OPCML: variants seen among roughly 807,000 people sequenced by gnomAD.
OPCML encodes opioid binding protein/cell adhesion molecule like, also known as opioid-binding protein/cell adhesion molecule.
In OPCML, 13 loss-of-function variants were observed where a neutral mutation model predicts 37.8. That is an observed-to-expected ratio of 0.34 (90% CI 0.22 to 0.55). The LOEUF (loss-of-function observed/expected upper bound fraction) is 0.55, where lower values mean the gene tolerates loss of function less well. OPCML is among the 20% of genes least tolerant of loss of function. The pLI is 0.91. For synonymous variants in OPCML, 176 were observed against 168.8 expected (o/e 1.04, Z -0.33); for missense variants, 341 against 435.6 (o/e 0.78, Z 1.93).
chr11:132,573,800 A>C (rs1333475791), intron 3 of OPCML, among the ~76,000 whole-genome samples: 2 of 151,976 alleles, frequency 1.3e-5, no homozygotes, highest in Non-Finnish European at 2.9e-5. Flanking sequence ...AGTTTGAGAA[A>C]GATTGGCCTT....
At chr11:132,533,118 G>A (rs2096330665) in intron 3 of OPCML, among the ~76,000 whole-genome samples, 1 of 152,104 alleles carries the variant, frequency 6.6e-6, no homozygotes, top group African/African-American at 2.4e-5. Flanking sequence ...AAAATGATAA[G>A]ACCCACAGAG....
intron 1 of OPCML, among the ~76,000 whole-genome samples, chr11:133,334,854 T>G (rs1340939209): frequency 6.6e-6 from 1 of 152,112 alleles, no homozygotes; most frequent in Non-Finnish European, 1.5e-5. Flanking sequence ...TTGGCCAGTC[T>G]GGGGCGGCCT....
chr11:133,224,502 A>G (rs1939957766), intron 1 of OPCML, among the ~76,000 whole-genome samples: 1 of 152,158 alleles, frequency 6.6e-6, no homozygotes, highest in Non-Finnish European at 1.5e-5. Flanking sequence ...TAGAGGGCCA[A>G]GCTTCCCTCC....
intron 1 of OPCML, among the ~76,000 whole-genome samples, chr11:133,146,574 A>G (rs1211968225): frequency 6.6e-6 from 1 of 151,930 alleles, no homozygotes. Context: ...CGGCCTCCCA[A>G]AGTGCTGGGA....
chr11:132,581,231 A>C (rs141287824), intron 3 of OPCML, among the ~76,000 whole-genome samples: 1 of 152,320 alleles, frequency 6.6e-6, no homozygotes, highest in East Asian at 1.9e-4. Context: ...CATGGGTTAT[A>C]GTCATTTAAT....
intron 1 of OPCML, among the ~76,000 whole-genome samples, chr11:133,483,820 G>GATAGATAGATAGATAGATAGATAA (rs1344805440): frequency 0.038 from 5,737 of 149,582 alleles, 447 homozygotes; most frequent in African/African-American, 0.13. Context: ...TAGATAGATA[G>GATAGATAGATAGATAGATAGATAA]ATAGATAGGA....
At chr11:133,342,372 G>C in intron 1 of OPCML, among the ~76,000 whole-genome samples, 1 of 152,196 alleles carries the variant, frequency 6.6e-6, no homozygotes, top group East Asian at 1.9e-4. Flanking sequence ...GTTATGCAAC[G>C]CAACAACTTG....
intron 1 of OPCML, among the ~76,000 whole-genome samples, chr11:133,032,946 A>T (rs1280193041): frequency 1.3e-5 from 2 of 152,186 alleles, no homozygotes; most frequent in African/African-American, 4.8e-5. Context: ...TGCAATGAGG[A>T]TAGTGAACAT....
At chr11:133,298,927 A>G (rs1305951653) in intron 1 of OPCML, 1 of 152,126 alleles carries the variant, frequency 6.6e-6, no homozygotes, top group Non-Finnish European at 1.5e-5. Context: ...TATAACTACA[A>G]ATTTCTCTGT....
chr11:132,883,761 C>G (rs1455956233), intron 2 of OPCML, among the ~76,000 whole-genome samples: 1 of 152,096 alleles, frequency 6.6e-6, no homozygotes, highest in Non-Finnish European at 1.5e-5. Flanking sequence ...TATAAAAACC[C>G]TATAAAATAA....
Position 133,105,332 on chromosome 11 carries a change from GC to G in OPCML, c.62-162323del, listed in dbSNP as rs368968940. On this transcript the variant is annotated intron_variant, in intron 1 of 7. Coordinates refer to ENST00000524381, the MANE Select transcript of OPCML (RefSeq NM_001012393.5). Reference sequence around the variant, plus strand: ...CTGAGGGCTTCATTAACGAGGTTATGCAGTGTAAACAAGATTTTTATAATTA... The same window carrying G: ...CTGAGGGCTTCATTAACGAGGTTATGAGTGTAAACAAGATTTTTATAATTA... Among the ~76,000 whole-genome samples the G allele has an allele frequency of 4.1e-3, 628 of 152,274 alleles. 1 individual carries two copies. The highest frequency in any genetic ancestry group is 0.014 in the African/African-American group (582 of 41,554).
intron 1 of OPCML, among the ~76,000 whole-genome samples, chr11:133,374,410 T>C (rs1346048134): frequency 6.6e-6 from 1 of 152,172 alleles, no homozygotes; most frequent in Non-Finnish European, 1.5e-5. Flanking sequence ...ACTATATTGG[T>C]TGTGATGATC....
chr11:133,363,527 G>A (rs557344012), intron 1 of OPCML, among the ~76,000 whole-genome samples: 3 of 152,324 alleles, frequency 2.0e-5, no homozygotes, highest in Admixed American at 6.5e-5. Flanking sequence ...CAGTGCCTTT[G>A]GCTATTGCTA....
chr11:132,767,087 A>G lies in OPCML; in HGVS notation c.147-109768T>C, dbSNP rs200412196. Among the ~76,000 whole-genome samples the G allele has an allele frequency of 1.6e-4, 25 of 152,334 alleles. No individual in the cohort carries two copies. The East Asian group carries it at 2.3e-3, about 14-fold the overall frequency. On this transcript the variant is annotated intron_variant, in intron 2 of 7. Transcript: ENST00000524381. ...TAGAAATGATGATAAAACAAATGTG[A>G]TGAAATATTAACAGTAGGCAAATCT...
Position 133,206,486 on chromosome 11 carries a change from G to A in OPCML, c.62-263476C>T, listed in dbSNP as rs563283592. ...AACTGCTGGATTCTATGATTCTTCC[G>A]TTAAAGTTGTGAAAGCGTGTTAAGA... On this transcript the variant is annotated intron_variant, in intron 1 of 7. Transcript: ENST00000524381. The surrounding 1 kb of genome is among the most constrained non-coding windows in gnomAD (Gnocchi z 4.7). 6.6e-6 allele frequency among the ~76,000 whole-genome samples: 1 copy of A among 152,282 alleles called. No homozygotes were observed. Among genetic ancestry groups the A allele is most frequent in the Admixed American group, 6.5e-5 (1 of 15,294 alleles).
chr11:133,424,453 C>G (rs1945959037), intron 1 of OPCML, among the ~76,000 whole-genome samples: 1 of 152,156 alleles, frequency 6.6e-6, no homozygotes, highest in African/African-American at 2.4e-5. Context: ...TATTTTCATT[C>G]AGGCATAGGT....
chr11:132,990,508 A>G (rs1331036834), intron 1 of OPCML, among the ~76,000 whole-genome samples: 1 of 152,214 alleles, frequency 6.6e-6, no homozygotes, highest in Non-Finnish European at 1.5e-5. Flanking sequence ...AAAGGTAGGC[A>G]TTCTATTTTC....
At chr11:133,399,545 T>C (rs905226002) in intron 1 of OPCML, among the ~76,000 whole-genome samples, 2 of 152,150 alleles carry the variant, frequency 1.3e-5, no homozygotes, top group African/African-American at 4.8e-5. Flanking sequence ...CTCATTGCCA[T>C]GGCACAGCCT....
chr11:133,039,005 C>T (rs2136940561), intron 1 of OPCML, among the ~76,000 whole-genome samples: 1 of 152,294 alleles, frequency 6.6e-6, no homozygotes, highest in Middle Eastern at 3.4e-3. Flanking sequence ...TCTTTCAAAG[C>T]AGTTAGCAGT....
Sources: allele counts gnomAD v4.1 joint callset (sites outside exome capture counted in the v4.1 genomes callset), GRCh38; gene constraint gnomAD v4.1.1; non-coding constraint Gnocchi (gnomAD v3.1); transcripts MANE v1.5; gene names NCBI Gene and HGNC (gene_info 2026-07-23, HGNC 2026-07-21).